CNTN3: variants seen among roughly 807,000 people sequenced by gnomAD.
The protein encoded by CNTN3 is contactin-3.
In CNTN3, 60 loss-of-function variants were observed where a neutral mutation model predicts 119.1. That is an observed-to-expected ratio of 0.50 (90% CI 0.41 to 0.62). CNTN3 has a LOEUF of 0.62. Ranked by LOEUF, CNTN3 falls within the 20% of genes least tolerant of loss-of-function variation. The pLI, the probability that CNTN3 is intolerant of heterozygous loss-of-function variation, is 0.00. For missense variants in CNTN3, 1,101 were observed against 1,242.4 expected (o/e 0.89, Z 1.71); for synonymous variants, 450 against 438.7 (o/e 1.03, Z -0.32).
At chr3:74,372,501 G>A (rs1704366831) in intron 5 of CNTN3, among the ~76,000 whole-genome samples, 2 of 151,748 alleles carry the variant, frequency 1.3e-5, no homozygotes, top group Admixed American at 1.3e-4. Context: ...TTGGCTTATT[G>A]GCTTCCTGCT....
chr3:74,293,103 C>A (rs1702267416), intron 19 of CNTN3, among the ~76,000 whole-genome samples: 1 of 152,170 alleles, frequency 6.6e-6, no homozygotes, highest in Non-Finnish European at 1.5e-5. Context: ...TTTAACTGTG[C>A]AGGAAGATGT....
chr3:74,575,443 G>T (rs1046796140), intron 1 of CNTN3, among the ~76,000 whole-genome samples: 1 of 151,806 alleles, frequency 6.6e-6, no homozygotes, highest in Non-Finnish European at 1.5e-5. Context: ...GTGGAGACAG[G>T]GTTTCACCAT....
At position 74,543,684 on chromosome 3, in the gene CNTN3, A is replaced by G. The variant is rs538499277; in HGVS notation, c.-80-22492T>C. 6.4e-4 allele frequency among the ~76,000 whole-genome samples: 97 copies of G among 152,288 alleles called. 1 individual carries two copies. Among genetic ancestry groups the G allele is most frequent in the African/African-American group, 2.2e-3 (93 of 41,554 alleles). ...AATTTGTACCCCTCCTCCTAAAAAA[A>G]TACTCTAAGGGTCACAGTCATCAAG... On this transcript the variant is annotated intron_variant, in intron 1 of 22. Transcript: ENST00000263665.
intron 1 of CNTN3, among the ~76,000 whole-genome samples, chr3:74,539,504 T>C (rs901459695): frequency 6.6e-6 from 1 of 152,060 alleles, no homozygotes; most frequent in African/African-American, 2.4e-5. Flanking sequence ...AGTGGAATCT[T>C]AGAATTTGAG....
At chr3:74,523,365 C>T (rs932526780) in intron 1 of CNTN3, among the ~76,000 whole-genome samples, 2 of 151,768 alleles carry the variant, frequency 1.3e-5, no homozygotes, top group Admixed American at 6.6e-5. Context: ...ACAATGCTAA[C>T]TAGTCATAAA....
At chr3:74,512,364 C>G (rs1703381419) in intron 2 of CNTN3, among the ~76,000 whole-genome samples, 1 of 151,902 alleles carries the variant, frequency 6.6e-6, no homozygotes, top group Admixed American at 6.6e-5. Flanking sequence ...AGTATTAAGT[C>G]TGAGACAAAA....
intron 4 of CNTN3, among the ~76,000 whole-genome samples, chr3:74,464,396 G>C (rs1355983111): frequency 3.3e-5 from 5 of 151,952 alleles, no homozygotes; most frequent in Non-Finnish European, 7.4e-5. Flanking sequence ...TTTCTTTTTT[G>C]TTGAAATACT....
At chr3:74,414,933 T>C (rs1260517991) in intron 5 of CNTN3, among the ~76,000 whole-genome samples, 1 of 151,468 alleles carries the variant, frequency 6.6e-6, no homozygotes, top group African/African-American at 2.4e-5. Context: ...TTCTGTTTCT[T>C]TTTGGGATAG....
At chr3:74,320,184 G>T (rs9310293) in intron 13 of CNTN3, among the ~76,000 whole-genome samples, 1 of 152,044 alleles carries the variant, frequency 6.6e-6, no homozygotes, top group African/African-American at 2.4e-5. Context: ...ACCCAAAGGA[G>T]TATAAATCAT....
At position 74,298,126 on chromosome 3, in the gene CNTN3, C is replaced by T. The variant is rs1208785270; in HGVS notation, c.2232G>A (p.Gly744=). 3 of 1,612,716 alleles carry T rather than the reference C, an allele frequency of 1.9e-6. No homozygotes were observed. Among genetic ancestry groups the T allele is most frequent in the African/African-American group, 1.3e-5 (1 of 74,818 alleles). ...FGYVVAFRPL[G]VTTWIQTVVT... is the part of the protein sequence containing the mutation. ...CCACTGTCTGGATCCAGGTGGTAAC[C>T]CCAAGAGGGCGGAAAGCAACAACAT... The change falls in exon 18 of 23, where the codon GGG becomes GGA. Residue 744 remains glycine (G), a synonymous_variant. Coordinates refer to ENST00000263665, the MANE Select transcript of CNTN3 (RefSeq NM_020872.3).
chr3:74,482,280 TGAAAC>T (rs1702776550), intron 4 of CNTN3, among the ~76,000 whole-genome samples: 3 of 151,884 alleles, frequency 2.0e-5, no homozygotes, highest in African/African-American at 7.2e-5. Context: ...AACTCCAACT[TGAAAC>T]TAACCCAGGA....
intron 5 of CNTN3, among the ~76,000 whole-genome samples, chr3:74,381,181 T>G (rs924225285): frequency 6.6e-6 from 1 of 150,544 alleles, no homozygotes; most frequent in Non-Finnish European, 1.5e-5. Context: ...TTAAACACCA[T>G]TAAAAAAAAC....
chr3:74,571,915 T>G (rs1704341402), intron 1 of CNTN3, among the ~76,000 whole-genome samples: 1 of 152,178 alleles, frequency 6.6e-6, no homozygotes, highest in South Asian at 2.1e-4. Context: ...TATTCTCACC[T>G]ACCAGTCAGG....
intron 3 of CNTN3, among the ~76,000 whole-genome samples, chr3:74,487,942 TAC>T (rs1702888105): frequency 6.6e-6 from 1 of 150,516 alleles, no homozygotes; most frequent in South Asian, 2.1e-4. Context: ...TCTTTTAAAA[TAC>T]ACTTACATTA....
At chr3:74,495,583 C>A (rs922379441) in intron 3 of CNTN3, among the ~76,000 whole-genome samples, 1 of 151,966 alleles carries the variant, frequency 6.6e-6, no homozygotes, top group Non-Finnish European at 1.5e-5. Flanking sequence ...TAAACTCAGA[C>A]TTCCCTTCCT....
intron 2 of CNTN3, among the ~76,000 whole-genome samples, chr3:74,514,550 C>T (rs927116284): frequency 1.3e-5 from 2 of 151,998 alleles, no homozygotes; most frequent in African/African-American, 2.4e-5. Flanking sequence ...CGTGACACTG[C>T]TTTAAAATGA....
chr3:74,553,011 C>G (rs963580050), intron 1 of CNTN3, among the ~76,000 whole-genome samples: 2 of 152,084 alleles, frequency 1.3e-5, no homozygotes, highest in East Asian at 1.9e-4. Context: ...TAGGTATACA[C>G]GTGCCATGGT....
chr3:74,399,289 C>T (rs555551756), intron 5 of CNTN3, among the ~76,000 whole-genome samples: 20 of 152,128 alleles, frequency 1.3e-4, no homozygotes, highest in Non-Finnish European at 2.9e-4. Context: ...TCCTCCCCTT[C>T]CTCCCACCCT....
chr3:74,339,225 G>T (rs1488814819), intron 11 of CNTN3, among the ~76,000 whole-genome samples: 1 of 151,976 alleles, frequency 6.6e-6, no homozygotes, highest in Non-Finnish European at 1.5e-5. Flanking sequence ...GGCAAACCTT[G>T]CTTAGAACCT....
Sources: allele counts gnomAD v4.1 joint callset (sites outside exome capture counted in the v4.1 genomes callset), GRCh38; gene constraint gnomAD v4.1.1; transcripts MANE v1.5; gene names NCBI Gene and HGNC (gene_info 2026-07-23, HGNC 2026-07-21).